The following RUVBL1 variants were observed in gnomAD, a reference collection of about 807,000 sequenced individuals.
The protein encoded by RUVBL1 is RuvB like AAA ATPase 1.
Under a neutral mutation model 52.4 loss-of-function variants are expected in RUVBL1, and 4 were observed. The observed-to-expected ratio is 0.08, with a 90% confidence interval of 0.04 to 0.17. The LOEUF (loss-of-function observed/expected upper bound fraction) is 0.17. Among genes scored for constraint, RUVBL1 ranks in the 10% least tolerant of loss-of-function variants. The pLI is 1.00. For synonymous variants in RUVBL1, 217 were observed against 214.4 expected (o/e 1.01, Z -0.10); for missense variants, 298 against 572.8 (o/e 0.52, Z 4.90).
chr3:128,096,775 C>G (rs915338725), intron 8 of RUVBL1, among the ~76,000 whole-genome samples: 1 of 151,538 alleles, frequency 6.6e-6, no homozygotes, highest in African/African-American at 2.4e-5. Context: ...TGCAGTGAGC[C>G]GAGATCGCGC....
In RUVBL1 at chr3:128,067,951, A is replaced by AT. The variant is rs768048788; in HGVS notation, c.940-2732dup. On this transcript the variant is annotated intron_variant, in intron 9 of 9. Coordinates refer to the RUVBL1 transcript ENST00000464873. This position sits in a 1 kb window ranked among gnomAD's most constrained non-coding sequence, Gnocchi z 4.1. ...ATGCCTATTTCCCCTTCAGCCTCCA[A>AT]TTCCAACTTCTCCCCTGTGGGCACC... 6.3e-7 allele frequency: 1 copy of AT among 1,599,068 alleles called. No homozygotes were observed. Among genetic ancestry groups the AT allele is most frequent in the African/African-American group, 1.3e-5 (1 of 74,542 alleles).
In RUVBL1 at chr3:128,081,521, TTGTGCCAG is replaced by T; in HGVS notation, c.1212-120_1212-113del. ...CCAGGAGCAGAGCCCAGTGCTGGGC[TTGTGCCAG>T]CTGCTACGAACACAGAAAAGGGGAG... On this transcript the variant is annotated intron_variant, in intron 10 of 10. Transcript: ENST00000322623. The surrounding 1 kb of genome is among the most constrained non-coding windows in gnomAD (Gnocchi z 4.8). 1 of 1,097,032 alleles carries T rather than the reference TTGTGCCAG, an allele frequency of 9.1e-7. No homozygotes were observed. Among genetic ancestry groups the T allele is most frequent in the Non-Finnish European group, 1.3e-6 (1 of 771,648 alleles). The allele number at this position is 1,097,032 out of a possible 1,614,324, so 68.0% of individuals were successfully genotyped here. A position where few individuals can be genotyped will look rare whatever the true frequency, so the allele number is the denominator to read the frequency against.
chr3:128,095,419 T>C (rs1346606759), intron 8 of RUVBL1, among the ~76,000 whole-genome samples: 1 of 152,262 alleles, frequency 6.6e-6, no homozygotes, highest in Non-Finnish European at 1.5e-5. Flanking sequence ...GCCACAGGCA[T>C]GCCAGGCATA....
intron 1 of RUVBL1, among the ~76,000 whole-genome samples, chr3:128,133,540 CAGAG>C (rs1346305526): frequency 7.7e-6 from 1 of 130,300 alleles, no homozygotes; most frequent in East Asian, 2.3e-4. Context: ...GACAGCTTAT[CAGAG>C]AGACTCTGTT....
intron 1 of RUVBL1, among the ~76,000 whole-genome samples, chr3:128,139,283 C>T (rs1171084240): frequency 6.6e-6 from 1 of 152,136 alleles, no homozygotes; most frequent in African/African-American, 2.4e-5. Flanking sequence ...AAAATATTTG[C>T]AAACTATTTA....
intron 8 of RUVBL1, among the ~76,000 whole-genome samples, chr3:128,091,638 C>T (rs1942843527): frequency 6.6e-6 from 1 of 152,222 alleles, no homozygotes; most frequent in African/African-American, 2.4e-5. Context: ...TATACCACCA[C>T]ATGTGCAACA....
Position 128,148,907 on chromosome 3 carries a change from G to C in RUVBL1, c.-40+4296C>G, listed in dbSNP as rs143375287. On this transcript the variant is annotated intron_variant, in intron 1 of 9. Transcript: ENST00000464873. The stretch of plus-strand genomic sequence containing the variant: ...TGCATCGTATTCCACAGTATAGACA[G>C]ACCATGATCTCTCTTTTTCTATTTA... Among the ~76,000 whole-genome samples, 988 of 152,190 alleles carry C rather than the reference G, an allele frequency of 6.5e-3. 8 individuals carry two copies. The highest frequency in any genetic ancestry group is 0.022 in the African/African-American group (926 of 41,520).
chr3:128,123,438 G>C, intron 1 of RUVBL1, 146 bp downstream of exon 1: 1 of 1,044,806 alleles, frequency 9.6e-7, no homozygotes, highest in Non-Finnish European at 1.3e-6. Context: ...CCCTCCCCGA[G>C]CCCCTGGCCC....
At chr3:128,110,489 A>G (rs1943360700) in intron 3 of RUVBL1, among the ~76,000 whole-genome samples, 1 of 152,178 alleles carries the variant, frequency 6.6e-6, no homozygotes, top group South Asian at 2.1e-4. Context: ...AATAATTAAA[A>G]TAAGCACCAA....
At chr3:128,150,884 T>TTATATATATA (rs1222687206) in intron 1 of RUVBL1, among the ~76,000 whole-genome samples, 3,587 of 84,122 alleles carry the variant, frequency 0.043, 227 homozygotes, top group African/African-American at 0.07. Flanking sequence ...ATATTCTATA[T>TTATATATATA]ATATATTCTA....
At chr3:128,153,346 C>G in exon 1 of RUVBL1, 1 of 1,380,904 alleles carries the variant, frequency 7.2e-7, no homozygotes, top group South Asian at 1.6e-5. Flanking sequence ...GAGCACGGCG[C>G]TCGGCTGTGC....
At chr3:128,092,326 CACAA>C (rs1052312058) in intron 8 of RUVBL1, among the ~76,000 whole-genome samples, 3 of 152,064 alleles carry the variant, frequency 2.0e-5, no homozygotes, top group African/African-American at 7.2e-5. Flanking sequence ...AAACCAGAAA[CACAA>C]ACAACAAAAG....
intron 1 of RUVBL1, among the ~76,000 whole-genome samples, chr3:128,146,558 G>A (rs1357061764): frequency 6.7e-6 from 1 of 148,638 alleles, no homozygotes; most frequent in African/African-American, 2.5e-5. Flanking sequence ...ACGGGCATGT[G>A]CATGTGCGTC....
intron 6 of RUVBL1, 31 bp from the exon 7 acceptor site, chr3:128,098,976 G>T (rs1426752340): frequency 6.3e-7 from 1 of 1,582,910 alleles, no homozygotes; most frequent in Non-Finnish European, 8.7e-7. Flanking sequence ...AGTCAGTGCT[G>T]CTTTCTAAGG....
chr3:128,117,929 G>T (rs1451059559), intron 2 of RUVBL1, among the ~76,000 whole-genome samples: 3 of 152,158 alleles, frequency 2.0e-5, no homozygotes, highest in Non-Finnish European at 4.4e-5. Flanking sequence ...AGCCAAAGGA[G>T]CAAATAACAT....
Position 128,081,821 on chromosome 3 carries a change from G to A in RUVBL1, c.1212-412C>T, listed in dbSNP as rs537426022. The A allele has an allele frequency of 5.3e-4, 90 of 169,158 alleles. No individual in the cohort carries two copies. Among genetic ancestry groups the A allele is most frequent in the Non-Finnish European group, 9.5e-4 (74 of 77,710 alleles). 10.5% of individuals were successfully genotyped at this position (169,158 alleles called of 1,614,324 possible). The stretch of plus-strand genomic sequence containing the variant: ...CATCCAAAGGCATGAAGACTCTGCC[G>A]TTTTAAAAAGTACCCCTTCATCCAA... On this transcript the variant is annotated intron_variant, in intron 10 of 10. Transcript: ENST00000322623. The surrounding 1 kb of genome is among the most constrained non-coding windows in gnomAD (Gnocchi z 4.8).
At chr3:128,144,657 G>T (rs1944076969) in intron 1 of RUVBL1, among the ~76,000 whole-genome samples, 3 of 152,220 alleles carry the variant, frequency 2.0e-5, no homozygotes, top group African/African-American at 7.2e-5. Flanking sequence ...TGAGGCCCTT[G>T]CTCTCCAGGC....
chr3:128,111,632 C>T (rs919387791), intron 3 of RUVBL1, among the ~76,000 whole-genome samples: 3 of 152,154 alleles, frequency 2.0e-5, no homozygotes, highest in Non-Finnish European at 2.9e-5. Flanking sequence ...CCAACCCAGC[C>T]GGAGGGGTCT....
At position 128,082,182 on chromosome 3, in the gene RUVBL1, T is replaced by C. The variant is rs1942494728; in HGVS notation, c.1211+301A>G. The C allele has an allele frequency of 6.6e-6, 2 of 303,742 alleles. No homozygotes were observed. Among genetic ancestry groups the C allele is most frequent in the Non-Finnish European group, 1.2e-5 (2 of 161,946 alleles). The allele number at this position is 303,742 out of a possible 1,614,324, so 18.8% of individuals were successfully genotyped here. A position where few individuals can be genotyped will look rare whatever the true frequency, so the allele number is the denominator to read the frequency against. ...GGCTAATGAGCTACCACATGGTCCC[T>C]GCTCTCTAGTTCTGTGCATCTTCTC... On this transcript the variant is annotated intron_variant, in intron 10 of 10. Coordinates refer to ENST00000322623, the MANE Select transcript of RUVBL1 (RefSeq NM_003707.3). The surrounding 1 kb of genome is among the most constrained non-coding windows in gnomAD (Gnocchi z 4.7).
Sources: gnomAD v4.1 joint callset for allele counts (sites outside exome capture counted in the v4.1 genomes callset) on GRCh38, gnomAD v4.1.1 for gene constraint, Gnocchi (gnomAD v3.1) non-coding constraint, MANE v1.5 for transcripts, NCBI Gene and HGNC (gene_info 2026-07-23, HGNC 2026-07-21) for gene names.